Variants in VRK2 observed in about 807,000 individuals in gnomAD.
The protein encoded by VRK2 is serine/threonine-protein kinase VRK2.
VRK2 carries 60 observed loss-of-function variants against 57.6 expected under a neutral mutation model. The ratio of observed to expected loss-of-function variants is 1.04; its 90% CI spans 0.85 to 1.29. The LOEUF (loss-of-function observed/expected upper bound fraction) is 1.29, where lower values mean the gene tolerates loss of function less well. Among genes scored for constraint, VRK2 ranks in the 50% most tolerant of loss-of-function variants. The pLI is 0.00. For missense variants in VRK2, 705 were observed against 588.1 expected (o/e 1.20, Z -2.06); for synonymous variants, 231 against 199.2 (o/e 1.16, Z -1.35).
intron 7 of VRK2, among the ~76,000 whole-genome samples, chr2:58,105,836 G>C (rs1452023295): frequency 6.6e-6 from 1 of 151,882 alleles, no homozygotes; most frequent in African/African-American, 2.4e-5. Context: ...TATGTAGTTA[G>C]TGTAAACCAA....
chr2:57,943,260 C>T (rs981970772), intron 1 of VRK2, among the ~76,000 whole-genome samples: 1 of 152,156 alleles, frequency 6.6e-6, no homozygotes, highest in Non-Finnish European at 1.5e-5. Context: ...AGGCACATGT[C>T]TAAGAAGAAA....
chr2:58,147,242 A>T (rs1682302594), intron 12 of VRK2: 1 of 514,786 alleles, frequency 1.9e-6, no homozygotes, highest in Admixed American at 2.0e-5. Flanking sequence ...AAAAATTAGA[A>T]GCATAGTACT....
At chr2:58,087,985 CAAAAA>C (rs534570077) in intron 5 of VRK2, among the ~76,000 whole-genome samples, 4 of 145,644 alleles carry the variant, frequency 2.7e-5, no homozygotes, top group Admixed American at 6.8e-5. Context: ...GACTCTGTCT[CAAAAA>C]AAAAATCAAG....
chr2:58,048,709 C>G, intron 1 of VRK2, 118 bp from the exon 2 acceptor site: 1 of 1,497,018 alleles, frequency 6.7e-7, no homozygotes, highest in Admixed American at 2.3e-5. Flanking sequence ...ACTTTAGAAT[C>G]CTAATTTCTG....
chr2:58,007,001 T>G (rs1180140427), intron 1 of VRK2, among the ~76,000 whole-genome samples: 1 of 151,980 alleles, frequency 6.6e-6, no homozygotes, highest in African/African-American at 2.4e-5. Flanking sequence ...TTGTCGAAAA[T>G]GAATAATATT....
At chr2:58,155,896 TAC>T (rs1421278981) in intron 12 of VRK2, among the ~76,000 whole-genome samples, 1 of 150,944 alleles carries the variant, frequency 6.6e-6, no homozygotes, top group Non-Finnish European at 1.5e-5. Flanking sequence ...GGCTATTGGT[TAC>T]ATAGAGCATG....
chr2:58,064,949 A>G (rs1229138722), intron 2 of VRK2, among the ~76,000 whole-genome samples: 2 of 152,110 alleles, frequency 1.3e-5, no homozygotes, highest in East Asian at 3.9e-4. Flanking sequence ...TCTCTTTATC[A>G]CTTACCTTCT....
chr2:58,044,739 G>A (rs1279002822), upstream of VRK2, among the ~76,000 whole-genome samples: 1 of 152,218 alleles, frequency 6.6e-6, no homozygotes, highest in African/African-American at 2.4e-5. Context: ...CCAGGTGGCA[G>A]TAAATGCGAA....
chr2:57,983,682 G>C (rs1672503382), intron 1 of VRK2, among the ~76,000 whole-genome samples: 1 of 152,204 alleles, frequency 6.6e-6, no homozygotes, highest in South Asian at 2.1e-4. Context: ...GAGCCTGCAA[G>C]GGAGAGTGTA....
intron 7 of VRK2, among the ~76,000 whole-genome samples, chr2:58,090,638 G>C (rs551949564): frequency 6.6e-6 from 1 of 152,196 alleles, no homozygotes; most frequent in East Asian, 1.9e-4. Flanking sequence ...AGCCACTTTG[G>C]AAGACAGTTG....
chr2:58,048,027 T>C (rs563661695), intron 1 of VRK2, among the ~76,000 whole-genome samples: 4 of 152,342 alleles, frequency 2.6e-5, no homozygotes, highest in African/African-American at 9.6e-5. Context: ...TATGCTGGCA[T>C]ATGTATTTTC....
intron 10 of VRK2, among the ~76,000 whole-genome samples, chr2:58,136,801 ATGTGTATATATATCATATATG>A (rs1221309211): frequency 6.9e-5 from 10 of 144,362 alleles, no homozygotes; most frequent in South Asian, 2.1e-4. Flanking sequence ...TATCATATAT[ATGTGTATATATATCATATATG>A]TGTGTATATA....
rs1392452914 is a variant in VRK2 at position 58,071,354 on chromosome 2, T to C, written c.137-12735T>C. Reference sequence around the variant, plus strand: ...TCTTGCATGGATTATGCTTTTGGTATTATATCTGTAAAAACTCATTACCCT... The same window carrying C: ...TCTTGCATGGATTATGCTTTTGGTACTATATCTGTAAAAACTCATTACCCT... On this transcript the variant is annotated intron_variant, in intron 2 of 12. Transcript: ENST00000340157. Among the ~76,000 whole-genome samples, 10 of 152,184 alleles carry C rather than the reference T, an allele frequency of 6.6e-5. No homozygotes were observed. In the East Asian group the frequency reaches 1.7e-3, roughly 26 times the overall value.
At chr2:57,960,485 C>T (rs957430585) in intron 1 of VRK2, among the ~76,000 whole-genome samples, 1 of 152,206 alleles carries the variant, frequency 6.6e-6, no homozygotes. Context: ...GGTGCATTCA[C>T]TTAAATTGAT....
intron 9 of VRK2, among the ~76,000 whole-genome samples, chr2:58,134,784 T>C (rs1052682579): frequency 6.6e-6 from 1 of 152,186 alleles, no homozygotes; most frequent in Non-Finnish European, 1.5e-5. Context: ...TTGGTCTTCA[T>C]TTCTCAAGTC....
chr2:58,039,071 A>G (rs955366538), intron 3 of VRK2, among the ~76,000 whole-genome samples: 1 of 152,164 alleles, frequency 6.6e-6, no homozygotes, highest in Non-Finnish European at 1.5e-5. Context: ...CAATACTATT[A>G]GTTGATAAAA....
At chr2:58,122,964 AT>A in intron 7 of VRK2, 136 bp from the exon 8 acceptor site, 1 of 1,092,136 alleles carries the variant, frequency 9.2e-7, no homozygotes, top group Non-Finnish European at 1.2e-6. Context: ...TACATATTTT[AT>A]CCTAAGGCAC....
intron 3 of VRK2, among the ~76,000 whole-genome samples, chr2:58,034,790 C>CA (rs79832463): frequency 9.7e-4 from 137 of 141,458 alleles, no homozygotes; most frequent in Admixed American, 9.8e-4. Flanking sequence ...AAACAAAAAA[C>CA]AAAAAAAAAA....
In VRK2 at chr2:57,978,089, CT is replaced by C. The variant is rs562513657; in HGVS notation, c.-438-47568del. Among the ~76,000 whole-genome samples the C allele has an allele frequency of 5.5e-4, 83 of 150,828 alleles. 4 individuals carry two copies. The highest frequency in any genetic ancestry group is 1.9e-3 in the African/African-American group (76 of 40,428). Reference sequence around the variant, plus strand: ...AGACTATTTGATCATAGTGAATTAGCTTTTTTTTCTACTTTAAGAGTATTGT... The same window carrying C: ...AGACTATTTGATCATAGTGAATTAGCTTTTTTTCTACTTTAAGAGTATTGT... On this transcript the variant is annotated intron_variant, in intron 1 of 15. Coordinates refer to the VRK2 transcript ENST00000417641.
Sources: gnomAD v4.1 joint callset for allele counts (sites outside exome capture counted in the v4.1 genomes callset) on GRCh38, gnomAD v4.1.1 for gene constraint, MANE v1.5 for transcripts, NCBI Gene and HGNC (gene_info 2026-07-23, HGNC 2026-07-21) for gene names.